The following UMOD variants were observed in gnomAD, a reference collection of about 807,000 sequenced individuals.
UMOD encodes the protein uromodulin.
Under a neutral mutation model 66.0 loss-of-function variants are expected in UMOD, and 64 were observed. The ratio of observed to expected loss-of-function variants is 0.97; its 90% CI spans 0.79 to 1.19. UMOD has a LOEUF of 1.19. UMOD is among the 50% of genes most tolerant of loss of function. The pLI is 0.00. For synonymous variants in UMOD, 398 were observed against 352.7 expected, an observed-to-expected ratio of 1.13 and a Z score of -1.44; for missense variants, 764 against 850.9, an observed-to-expected ratio of 0.90 and a Z score of 1.27.
chr16:20,356,006 G>A (rs1181641549), upstream of UMOD, among the ~76,000 whole-genome samples: 2 of 152,146 alleles, frequency 1.3e-5, no homozygotes, highest in Non-Finnish European at 2.9e-5. Context: ...GCCATGACAG[G>A]GTCTTAGAAG....
chr16:20,350,916 T>C (rs752981630), intron 1 of UMOD, 77 bp from the exon 2 acceptor site: 31 of 1,431,300 alleles, frequency 2.2e-5, no homozygotes, highest in Non-Finnish European at 2.6e-5. Flanking sequence ...TTTGATTGTA[T>C]AGTATACAAC....
At chr16:20,336,922 C>T (rs373788169) in intron 8 of UMOD, among the ~76,000 whole-genome samples, 195 bp from the exon 9 acceptor site, 2 of 152,300 alleles carry the variant, frequency 1.3e-5, no homozygotes, top group African/African-American at 2.4e-5. Context: ...TCAGGCAAGC[C>T]ACTGAAGTTC....
At chr16:20,355,583 TTG>T (rs529567643), upstream of UMOD, among the ~76,000 whole-genome samples, 528 of 146,950 alleles carry the variant, frequency 3.6e-3, 4 homozygotes, top group Non-Finnish European at 5.4e-3. Context: ...CCCGGCTAAT[TTG>T]TGTTTTTTTT....
At chr16:20,341,702 T>A (rs568239984) in intron 6 of UMOD, among the ~76,000 whole-genome samples, 6 of 148,634 alleles carry the variant, frequency 4.0e-5, no homozygotes, top group African/African-American at 7.3e-5. Context: ...GCTTTCAAGA[T>A]GGCAAAAAAA....
chr16:20,336,221 G>A (rs899735384), intron 9 of UMOD, among the ~76,000 whole-genome samples: 1 of 152,164 alleles, frequency 6.6e-6, no homozygotes, highest in African/African-American at 2.4e-5. Context: ...ACATCTACAG[G>A]GGATTATTCA....
chr16:20,344,576 C>T (rs1965433518), intron 5 of UMOD, among the ~76,000 whole-genome samples: 1 of 147,188 alleles, frequency 6.8e-6, no homozygotes, highest in Non-Finnish European at 1.5e-5. Flanking sequence ...GCACTTTAGC[C>T]TCGGCGACAG....
chr16:20,349,594 G>A (rs1965787902), intron 2 of UMOD: 12 of 1,342,630 alleles, frequency 8.9e-6, no homozygotes, highest in Non-Finnish European at 9.8e-6. Flanking sequence ...GGGACCACAG[G>A]CACGTGCAAT....
rs77085263 is a variant in UMOD at position 20,337,870 on chromosome 16, G to A, written c.1578-417C>T. ...ATAACAATGGAAACCTCTGGGTACC[G>A]AGAGCCACTGATGAAATTGGAGTGT... is the stretch of plus-strand genomic sequence containing the variant. On this transcript the variant is annotated intron_variant, in intron 7 of 10. Coordinates refer to ENST00000396138, the MANE Select transcript of UMOD (RefSeq NM_003361.4). Among the ~76,000 whole-genome samples, 1,112 of 152,222 alleles carry A rather than the reference G, an allele frequency of 7.3e-3. 14 individuals carry two copies. Among genetic ancestry groups the A allele is most frequent in the African/African-American group, 0.026 (1,063 of 41,512 alleles).
chr16:20,345,760 C>A (rs2141664986), intron 5 of UMOD, among the ~76,000 whole-genome samples: 1 of 152,092 alleles, frequency 6.6e-6, no homozygotes, highest in Non-Finnish European at 1.5e-5. Flanking sequence ...CCACTGGAGA[C>A]AAATAGACTA....
At chr16:20,343,936 T>G (rs1320757902) in intron 6 of UMOD, 88 bp downstream of exon 6, 4 of 1,523,818 alleles carry the variant, frequency 2.6e-6, no homozygotes, top group Non-Finnish European at 3.6e-6. Context: ...CCCAGCTCCC[T>G]GTGGGTGGCA....
intron 10 of UMOD, 115 bp downstream of exon 10, chr16:20,335,367 C>A: frequency 9.4e-7 from 1 of 1,066,982 alleles, no homozygotes; most frequent in Non-Finnish European, 1.4e-6. Context: ...ATTTAGAAAA[C>A]GGAACTAGTA....
chr16:20,339,533 C>A (rs917059679), intron 7 of UMOD, among the ~76,000 whole-genome samples: 1 of 152,192 alleles, frequency 6.6e-6, no homozygotes, highest in Admixed American at 6.5e-5. Flanking sequence ...AAACAGACTT[C>A]TGCTTTATTT....
In UMOD at chr16:20,344,192, T is replaced by C. The variant is rs762682627; in HGVS notation, c.1183-20A>G. 4 of 555,040 alleles carry C rather than the reference T, an allele frequency of 7.2e-6. No homozygotes were observed. Among genetic ancestry groups the C allele is most frequent in the Non-Finnish European group, 5.8e-6 (2 of 342,520 alleles). 34.4% of individuals were successfully genotyped at this position (555,040 alleles called of 1,614,324 possible). On this transcript the variant is annotated intron_variant, in intron 5 of 10. Transcript: ENST00000396138. ...ATTCCTCTGTTGCAGGGAATGGGGG[T>C]GGAGGGGGGGTGGGGATGAGAGAAA...
At chr16:20,352,895 G>T, upstream of UMOD, 1 of 457,856 alleles carries the variant, frequency 2.2e-6, no homozygotes, top group Non-Finnish European at 3.5e-6. Context: ...TTTCCTAATA[G>T]CTAGAGACCC....
intron 6 of UMOD, among the ~76,000 whole-genome samples, chr16:20,342,202 C>G (rs1272281555): frequency 6.6e-6 from 1 of 152,164 alleles, no homozygotes; most frequent in Non-Finnish European, 1.5e-5. Context: ...TTAAAAATAG[C>G]CCAGGGTGGT....
rs1357689052 is a variant in UMOD at position 20,349,015 on chromosome 16, C to T, written c.286G>A (p.Glu96Lys). The T allele has an allele frequency of 6.3e-7, 1 of 1,585,952 alleles. No homozygotes were observed. The highest frequency in any genetic ancestry group is 1.8e-5 in the Admixed American group (1 of 55,486). ...AGACCGGGCGACAGGCGGAAGCCTTCGGGGCAGACGCAGGAGAAGGAGCCT... is the reference window on the plus strand; with the variant it reads ...AGACCGGGCGACAGGCGGAAGCCTTTGGGGCAGACGCAGGAGAAGGAGCCT... ...TPGSFSCVCPEGFRLSPGLGC... is the reference protein window; with the variant it reads ...TPGSFSCVCPKGFRLSPGLGC... The change falls in exon 3 of 11, where the codon GAA (glutamate) becomes AAA (lysine). Residue 96 changes from glutamate (E) to lysine (K), a missense_variant. Transcript: ENST00000396138.
In UMOD at chr16:20,337,193, G is replaced by C. The variant is rs74011921; in HGVS notation, c.1740+98C>G. Reference sequence around the variant, plus strand: ...TCTTATTGCTCATTCTATCCCTCTGGTAAAAGAGGGAAACAGGGAAGAAAT... The same window carrying C: ...TCTTATTGCTCATTCTATCCCTCTGCTAAAAGAGGGAAACAGGGAAGAAAT... On this transcript the variant is annotated intron_variant, in intron 8 of 10. Transcript: ENST00000396138. The C allele has an allele frequency of 1.5e-3, 2,196 of 1,479,698 alleles. 28 individuals are homozygous for C. In the African/African-American group the frequency reaches 0.026, roughly 17 times the overall value. The allele number at this position is 1,479,698 out of a possible 1,614,324, so 91.7% of individuals were successfully genotyped here.
intron 10 of UMOD, among the ~76,000 whole-genome samples, chr16:20,334,473 C>T (rs991121532): frequency 1.1e-4 from 17 of 152,144 alleles, no homozygotes; most frequent in Non-Finnish European, 2.4e-4. Context: ...GCTTTCTGTG[C>T]ATCTGTACAT....
chr16:20,343,738 G>A (rs1024675874), intron 6 of UMOD, among the ~76,000 whole-genome samples: 3 of 152,176 alleles, frequency 2.0e-5, no homozygotes, highest in African/African-American at 4.8e-5. Context: ...CCCAAAGCCA[G>A]GCTTAATAAC....
Sources: allele counts gnomAD v4.1 joint callset (sites outside exome capture counted in the v4.1 genomes callset), GRCh38; gene constraint gnomAD v4.1.1; transcripts MANE v1.5; gene names NCBI Gene and HGNC (gene_info 2026-07-23, HGNC 2026-07-21).